The following OSBPL11 variants were observed in gnomAD, a reference collection of about 807,000 sequenced individuals.
OSBPL11 encodes oxysterol-binding protein-related protein 11.
Under a neutral mutation model 84.4 loss-of-function variants are expected in OSBPL11, and 33 were observed. The observed-to-expected ratio is 0.39, with a 90% CI of 0.30 to 0.52. The LOEUF (loss-of-function observed/expected upper bound fraction) is 0.52. OSBPL11 is among the 20% of genes least tolerant of loss of function. The pLI is 0.72. For missense variants in OSBPL11, 736 were observed against 901.1 expected (o/e 0.82, Z 2.35); for synonymous variants, 276 against 310.2 (o/e 0.89, Z 1.16).
intron 3 of OSBPL11, 95 bp from the exon 4 acceptor site, chr3:125,579,134 A>G: frequency 4.6e-6 from 4 of 874,936 alleles, no homozygotes; most frequent in Non-Finnish European, 6.8e-6. Flanking sequence ...AAAAGCAGAT[A>G]CTGGTCTTAC....
At chr3:125,594,191 G>T (rs1313426782) in intron 1 of OSBPL11, among the ~76,000 whole-genome samples, 1 of 152,084 alleles carries the variant, frequency 6.6e-6, no homozygotes, top group Non-Finnish European at 1.5e-5. Flanking sequence ...ATACCTTCAG[G>T]GCAAGAATCT....
At chr3:125,562,424 T>C (rs1936091988) in intron 7 of OSBPL11, among the ~76,000 whole-genome samples, 1 of 152,226 alleles carries the variant, frequency 6.6e-6, no homozygotes, top group Non-Finnish European at 1.5e-5. Context: ...AAGCATTTTA[T>C]ACATTATTGT....
At position 125,554,892 on chromosome 3, in the gene OSBPL11, AAAAC is replaced by A. The variant is rs891624205; in HGVS notation, c.1156-2217_1156-2214del. Among the ~76,000 whole-genome samples, 283 of 152,278 alleles carry A rather than the reference AAAAC, an allele frequency of 1.9e-3. 1 individual carries two copies. The highest frequency in any genetic ancestry group is 6.1e-3 in the African/African-American group (252 of 41,564). On this transcript the variant is annotated intron_variant, in intron 8 of 12. Transcript: ENST00000296220. Reference sequence around the variant, plus strand: ...TGGCCATATAATAAGGATTTCAGAGAAAACAAACAAACAAACAAACAAAATAGAA... The same window carrying A: ...TGGCCATATAATAAGGATTTCAGAGAAAACAAACAAACAAACAAAATAGAA...
chr3:125,583,344 G>A, intron 1 of OSBPL11, among the ~76,000 whole-genome samples: 1 of 151,920 alleles, frequency 6.6e-6, no homozygotes, highest in East Asian at 1.9e-4. Context: ...ACTTTGGGAG[G>A]CCAAGGCAGG....
intron 9 of OSBPL11, among the ~76,000 whole-genome samples, chr3:125,548,518 C>T (rs149361621): frequency 6.6e-6 from 1 of 151,876 alleles, no homozygotes; most frequent in African/African-American, 2.4e-5. Context: ...GAGCTTGTTC[C>T]ATATTAAGTG....
intron 12 of OSBPL11, 37 bp downstream of exon 12, chr3:125,531,824 T>G (rs533932440): frequency 3.2e-6 from 5 of 1,567,628 alleles, no homozygotes. Context: ...CTCAGCCAAG[T>G]AGATACATTT....
intron 8 of OSBPL11, among the ~76,000 whole-genome samples, chr3:125,553,178 AAG>A (rs1415462120): frequency 6.6e-6 from 1 of 152,230 alleles, no homozygotes; most frequent in East Asian, 1.9e-4. Flanking sequence ...ACATAAATTC[AAG>A]AGAGTCAGAA....
chr3:125,552,520 C>A lies in OSBPL11; in HGVS notation c.1315G>T (p.Gly439Cys). ...VEYYLTSFHEGRKGAIAKKPY... is the reference protein window; with the variant it reads ...VEYYLTSFHECRKGAIAKKPY... ...TTTTTAGCAATGGCTCCCTTACGGC[C>A]TTCATGAAATGAGGTAAGGTAGTAC... Residue 439 changes from glycine to cysteine, a missense_variant, in exon 9 of 13, where the codon GGC (glycine) becomes TGC (cysteine). By Grantham distance (159) the Gly-to-Cys change is radical. This residue lies in a region of OSBPL11 where 579 missense variants were observed against 717.6 expected (regional missense o/e 0.81). Coordinates refer to ENST00000296220, the MANE Select transcript of OSBPL11 (RefSeq NM_022776.5). 1 of 1,614,144 alleles carries A rather than the reference C, an allele frequency of 6.2e-7. No individual in the cohort carries two copies. Among genetic ancestry groups the A allele is most frequent in the East Asian group, 2.2e-5 (1 of 44,872 alleles).
chr3:125,536,026 T>C (rs1200028690), intron 11 of OSBPL11, among the ~76,000 whole-genome samples: 1 of 151,534 alleles, frequency 6.6e-6, no homozygotes, highest in Non-Finnish European at 1.5e-5. Flanking sequence ...TCCCAGCTAC[T>C]TGGGAGGCTG....
chr3:125,586,185 GATTAT>G (rs1260559388), intron 1 of OSBPL11, among the ~76,000 whole-genome samples: 2 of 152,164 alleles, frequency 1.3e-5, no homozygotes, highest in African/African-American at 2.4e-5. Context: ...CCACATATCT[GATTAT>G]ATTATACTAT....
intron 8 of OSBPL11, among the ~76,000 whole-genome samples, chr3:125,557,904 G>A (rs1936015901): frequency 7.5e-6 from 1 of 133,826 alleles, no homozygotes; most frequent in South Asian, 2.4e-4. Context: ...AGCAATTCTT[G>A]TATCTCAGCC....
chr3:125,562,612 T>C (rs1394734116), intron 7 of OSBPL11, among the ~76,000 whole-genome samples: 1 of 152,092 alleles, frequency 6.6e-6, no homozygotes. Flanking sequence ...TAATATAACT[T>C]AAAGAGATAA....
At chr3:125,570,379 T>C (rs1936225678) in intron 5 of OSBPL11, among the ~76,000 whole-genome samples, 1 of 148,224 alleles carries the variant, frequency 6.7e-6, no homozygotes, top group South Asian at 2.1e-4. Flanking sequence ...AAGCTGTGTG[T>C]GGTGGTGTGT....
At position 125,594,691 on chromosome 3, in the gene OSBPL11, C is replaced by G; in HGVS notation, c.110G>C (p.Gly37Ala). 6.2e-7 allele frequency: 1 copy of G among 1,614,148 alleles called. No homozygotes were observed. The highest frequency in any genetic ancestry group is 8.5e-7 in the Non-Finnish European group (1 of 1,180,034). The change falls in exon 1 of 13, where the codon GGA (glycine) becomes GCA (alanine). Residue 37 changes from glycine to alanine, a missense_variant. By Grantham distance (60) the Gly-to-Ala change is moderately conservative (BLOSUM62 0). Coordinates refer to ENST00000296220, the MANE Select transcript of OSBPL11 (RefSeq NM_022776.5). ...GCGGCTGCTGCTGCTGCTACTGATTCCACCTCCACAGCTGCTGTTCTTGTT... is the reference window on the plus strand; with the variant it reads ...GCGGCTGCTGCTGCTGCTACTGATTGCACCTCCACAGCTGCTGTTCTTGTT... ...TPNKNSSCGG[G>A]ISSSSSSRGG... is the part of the protein sequence containing the mutation.
intron 10 of OSBPL11, among the ~76,000 whole-genome samples, chr3:125,541,515 T>C (rs1000646136): frequency 6.6e-6 from 1 of 152,190 alleles, no homozygotes; most frequent in South Asian, 2.1e-4. Flanking sequence ...CTTGTGACTA[T>C]CCCATTTCTG....
intron 10 of OSBPL11, among the ~76,000 whole-genome samples, chr3:125,546,446 G>C (rs1935817496): frequency 6.6e-6 from 1 of 152,016 alleles, no homozygotes; most frequent in Admixed American, 6.6e-5. Flanking sequence ...TGATCCTCCA[G>C]CCTTGCCTCC....
intron 5 of OSBPL11, among the ~76,000 whole-genome samples, chr3:125,572,817 A>T (rs997873638): frequency 3.1e-4 from 45 of 146,372 alleles, no homozygotes; most frequent in Non-Finnish European, 4.8e-4. Flanking sequence ...ATATATATAT[A>T]TTTTTTATGT....
chr3:125,586,726 A>G (rs1470590127), intron 1 of OSBPL11, among the ~76,000 whole-genome samples: 4 of 152,156 alleles, frequency 2.6e-5, no homozygotes, highest in African/African-American at 9.7e-5. Context: ...CATGTTGGTC[A>G]GGCTGGTCTC....
intron 8 of OSBPL11, among the ~76,000 whole-genome samples, chr3:125,557,213 T>G (rs1936004222): frequency 6.6e-6 from 1 of 152,204 alleles, no homozygotes; most frequent in African/African-American, 2.4e-5. Flanking sequence ...TATTACTTAT[T>G]CACAACATGA....
Sources: allele counts gnomAD v4.1 joint callset (sites outside exome capture counted in the v4.1 genomes callset), GRCh38; gene constraint gnomAD v4.1.1; regional missense constraint gnomAD v4.1.1; transcripts MANE v1.5; gene names NCBI Gene and HGNC (gene_info 2026-07-23, HGNC 2026-07-21).